The following CUX1 variants were observed in gnomAD, a reference collection of about 807,000 sequenced individuals.
CUX1 encodes protein CASP.
CUX1 carries 31 observed loss-of-function variants against 158.8 expected under a neutral mutation model. The observed-to-expected ratio is 0.20, with a 90% CI of 0.15 to 0.26. The LOEUF is 0.26. Ranked by LOEUF, CUX1 falls within the 10% of genes least tolerant of loss-of-function variation. The pLI, the probability that CUX1 is intolerant of heterozygous loss-of-function variation, is 1.00. For missense variants in CUX1, 1,589 were observed against 2,014.6 expected (o/e 0.79, Z 4.04); for synonymous variants, 879 against 862.1 (o/e 1.02, Z -0.34).
At chr7:102,129,479 T>C (rs1358905840) in intron 8 of CUX1, among the ~76,000 whole-genome samples, 3 of 151,918 alleles carry the variant, frequency 2.0e-5, no homozygotes, top group African/African-American at 7.3e-5. Context: ...AGGTCAGGAG[T>C]TCGAGACCAG....
At chr7:101,992,055 C>T (rs202161) in intron 2 of CUX1, among the ~76,000 whole-genome samples, 1 of 152,072 alleles carries the variant, frequency 6.6e-6, no homozygotes, top group Admixed American at 6.5e-5. Flanking sequence ...TTAATCTAGA[C>T]TTTGTTTACA....
chr7:102,208,634 T>A (rs1276940619), intron 20 of CUX1, among the ~76,000 whole-genome samples: 1 of 152,208 alleles, frequency 6.6e-6, no homozygotes, highest in African/African-American at 2.4e-5. Context: ...AGAATCTTCC[T>A]TGACTGTGTC....
At chr7:102,095,696 C>T (rs1283831469) in intron 4 of CUX1, among the ~76,000 whole-genome samples, 2 of 152,176 alleles carry the variant, frequency 1.3e-5, no homozygotes, top group Non-Finnish European at 2.9e-5. Context: ...TGAATATATA[C>T]TCTTGTTGAT....
At chr7:102,022,114 C>G (rs1403744035) in intron 2 of CUX1, among the ~76,000 whole-genome samples, 1 of 152,118 alleles carries the variant, frequency 6.6e-6, no homozygotes, top group Non-Finnish European at 1.5e-5. Flanking sequence ...GCAGAGCCTT[C>G]CAGAGAGGGC....
rs1321102710 is a variant in CUX1, at chr7:102,256,833, A to G, written c.*7791A>G. ...CCAAGCGAGAGAGTGATTTCTTGCA[A>G]GGCCCGCATGGGTTGATACGTTTTG... On this transcript the variant is annotated 3_prime_UTR_variant, in exon 24 of 24. Transcript: ENST00000292535. 40 of 985,316 alleles carry G rather than the reference A, an allele frequency of 4.1e-5. No homozygotes were observed. Among genetic ancestry groups the G allele is most frequent in the Non-Finnish European group, 4.6e-5 (38 of 829,944 alleles). 61.0% of individuals were successfully genotyped at this position (985,316 alleles called of 1,614,324 possible). A position where few individuals can be genotyped will look rare whatever the true frequency, so the allele number is the denominator to read the frequency against.
At position 102,151,382 on chromosome 7, in the gene CUX1, G is replaced by A. The variant is rs782593014; in HGVS notation, c.675-7178G>A. On this transcript the variant is annotated intron_variant, in intron 8 of 23. Transcript: ENST00000292535. Reference sequence around the variant, plus strand: ...AGCCTGGCCAACACGATAAAACCCCGTCTCTACTAAAACTACAAAAATTAG... The same window carrying A: ...AGCCTGGCCAACACGATAAAACCCCATCTCTACTAAAACTACAAAAATTAG... Among the ~76,000 whole-genome samples the A allele has an allele frequency of 5.3e-5, 8 of 152,020 alleles. 1 individual carries two copies. The highest frequency in any genetic ancestry group is 3.4e-3 in the Middle Eastern group (1 of 294).
chr7:102,183,156 G>T (rs1793284302), intron 11 of CUX1, among the ~76,000 whole-genome samples: 1 of 152,048 alleles, frequency 6.6e-6, no homozygotes, highest in African/African-American at 2.4e-5. Flanking sequence ...CATTCTCGGA[G>T]CCCAGGAGTT....
chr7:101,998,536 C>T (rs1816262838), intron 2 of CUX1, among the ~76,000 whole-genome samples: 1 of 152,218 alleles, frequency 6.6e-6, no homozygotes, highest in African/African-American at 2.4e-5. Context: ...TCGTCTTCGT[C>T]CACCAGCATC....
chr7:102,098,611 A>C (rs1829438727), intron 5 of CUX1, among the ~76,000 whole-genome samples: 1 of 151,576 alleles, frequency 6.6e-6, no homozygotes, highest in Non-Finnish European at 1.5e-5. Flanking sequence ...TCCAGTCTTT[A>C]ACAACAACAG....
At position 102,249,738 on chromosome 7, in the gene CUX1, C is replaced by T; in HGVS notation, c.*696C>T. 1.0e-6 allele frequency: 1 copy of T among 985,430 alleles called. No homozygotes were observed. The highest frequency in any genetic ancestry group is 1.2e-6 in the Non-Finnish European group (1 of 829,670). 61.0% of individuals were successfully genotyped at this position (985,430 alleles called of 1,614,324 possible). ...GAAAGTTTTTGTAGCTGTTCAGTTG[C>T]CACTAAGAGATTGCACAGTCAAAAC... is the stretch of plus-strand genomic sequence containing the variant. On this transcript the variant is annotated 3_prime_UTR_variant, in exon 24 of 24. Coordinates refer to ENST00000292535, the MANE Select transcript of CUX1 (RefSeq NM_181552.4).
intron 4 of CUX1, among the ~76,000 whole-genome samples, chr7:102,079,257 G>A (rs2130718166): frequency 6.6e-6 from 1 of 152,170 alleles, no homozygotes; most frequent in South Asian, 2.1e-4. Context: ...GACAAACATG[G>A]TGAAACCCCG....
Position 102,178,037 on chromosome 7 carries a change from C to T in CUX1, c.829-432C>T, listed in dbSNP as rs924700790. On this transcript the variant is annotated intron_variant, in intron 10 of 23. Transcript: ENST00000292535. ...CTCCCGAGTAGCTGGGATTACAGGT[C>T]ACCACCACGTGCCTATAATTAGCCC... Among the ~76,000 whole-genome samples, 5 of 152,136 alleles carry T rather than the reference C, an allele frequency of 3.3e-5. No homozygotes were observed. The South Asian group carries it at 1.0e-3, about 32-fold the overall frequency.
chr7:102,200,302 C>T (rs1403345240), intron 17 of CUX1, 130 bp downstream of exon 17: 12 of 680,492 alleles, frequency 1.8e-5, no homozygotes, highest in Admixed American at 3.3e-5. Flanking sequence ...AGCATTTAGG[C>T]ACGTAGAGAG....
At chr7:101,995,022 G>A (rs187049366) in intron 2 of CUX1, among the ~76,000 whole-genome samples, 5 of 151,980 alleles carry the variant, frequency 3.3e-5, no homozygotes, top group East Asian at 1.9e-4. Context: ...ATTTGATCCC[G>A]GGAAGTGAAG....
intron 8 of CUX1, among the ~76,000 whole-genome samples, chr7:102,128,839 G>A (rs1017470504): frequency 4.6e-5 from 7 of 151,988 alleles, no homozygotes; most frequent in Admixed American, 1.3e-4. Context: ...TTTGCTGGGC[G>A]TGGTGGCATG....
intron 14 of CUX1, among the ~76,000 whole-genome samples, chr7:102,268,506 C>T (rs1790971037): frequency 6.6e-6 from 1 of 152,140 alleles, no homozygotes; most frequent in Admixed American, 6.6e-5. Flanking sequence ...TTTGCGGGAC[C>T]CCCTTTGTGG....
chr7:101,966,202 A>C (rs1288090272), intron 2 of CUX1, among the ~76,000 whole-genome samples: 2 of 151,736 alleles, frequency 1.3e-5, no homozygotes, highest in African/African-American at 4.8e-5. Context: ...AGTAGCTGGG[A>C]CTACAGGTGC....
At chr7:101,887,203 G>T (rs868526498) in intron 1 of CUX1, among the ~76,000 whole-genome samples, 1 of 152,164 alleles carries the variant, frequency 6.6e-6, no homozygotes, top group Non-Finnish European at 1.5e-5. Context: ...TAGGGCAGCC[G>T]AGTTGCTGTG....
At chr7:102,022,034 C>G (rs1819434025) in intron 2 of CUX1, among the ~76,000 whole-genome samples, 1 of 152,122 alleles carries the variant, frequency 6.6e-6, no homozygotes, top group African/African-American at 2.4e-5. Context: ...GGGTCCCTGG[C>G]ACGCGACTCT....
Sources: gnomAD v4.1 joint callset for allele counts (sites outside exome capture counted in the v4.1 genomes callset) on GRCh38, gnomAD v4.1.1 for gene constraint, MANE v1.5 for transcripts, NCBI Gene and HGNC (gene_info 2026-07-23, HGNC 2026-07-21) for gene names.